Variants in CCNG2 observed in about 807,000 individuals in gnomAD.
CCNG2 encodes cyclin G2.
A neutral mutation model predicts 36.5 loss-of-function variants in CCNG2; 20 were observed. That is an observed-to-expected ratio of 0.55 (90% confidence interval 0.39 to 0.80). The LOEUF is 0.80. Ranked by LOEUF, CCNG2 falls within the 30% of genes least tolerant of loss-of-function variation. The pLI, the probability that CCNG2 is intolerant of heterozygous loss-of-function variation, is 0.00. For synonymous variants in CCNG2, 155 were observed against 140.1 expected (o/e 1.11, Z -0.75); for missense variants, 358 against 390.8 (o/e 0.92, Z 0.71).
At chr4:77,162,334 G>C (rs908856988) in intron 6 of CCNG2, among the ~76,000 whole-genome samples, 6 of 148,704 alleles carry the variant, frequency 4.0e-5, no homozygotes, top group African/African-American at 1.5e-4. Context: ...TTGTTATTGT[G>C]TCTTGGTGCC....
intron 6 of CCNG2, among the ~76,000 whole-genome samples, chr4:77,162,835 C>T (rs1731522236): frequency 6.6e-6 from 1 of 151,834 alleles, no homozygotes; most frequent in Non-Finnish European, 1.5e-5. Flanking sequence ...ATATAAAAGT[C>T]ATTTTAGGGT....
chr4:77,161,817 A>T, intron 6 of CCNG2, 70 bp downstream of exon 6: 1 of 887,654 alleles, frequency 1.1e-6, no homozygotes, highest in Non-Finnish European at 1.8e-6. Flanking sequence ...GGTGACTTAA[A>T]CATTAAGTAA....
At chr4:77,161,836 G>A (rs1731447272) in intron 6 of CCNG2, 89 bp downstream of exon 6, 1 of 758,094 alleles carries the variant, frequency 1.3e-6, no homozygotes. Context: ...AATACTTTAT[G>A]GGACTCTTAA....
intron 2 of CCNG2, among the ~76,000 whole-genome samples, chr4:77,159,014 A>G (rs1044219817): frequency 1.3e-5 from 2 of 152,238 alleles, no homozygotes; most frequent in African/African-American, 4.8e-5. Context: ...TTTATAGTAG[A>G]ATCTTAAATG....
rs750105685 is a variant in CCNG2, at chr4:77,165,975, A to T, written c.*51A>T. On this transcript the variant is annotated 3_prime_UTR_variant, in exon 8 of 8. Transcript: ENST00000316355. ...ATATTTACAGGTTTCAAAGCAATAA[A>T]TGGGGGAATAGGTAGTTTCCTGGTT... The T allele has an allele frequency of 9.8e-6, 15 of 1,538,018 alleles. No homozygotes were observed. Among genetic ancestry groups the T allele is most frequent in the Non-Finnish European group, 1.3e-5 (15 of 1,140,426 alleles).
chr4:77,167,626 A>G lies in CCNG2; in HGVS notation c.*1702A>G, dbSNP rs1731660878. The G allele has an allele frequency of 6.6e-6, 1 of 152,172 alleles. No individual in the cohort carries two copies. Among genetic ancestry groups the G allele is most frequent in the East Asian group, 1.9e-4 (1 of 5,188 alleles). 9.4% of individuals were successfully genotyped at this position (152,172 alleles called of 1,614,324 possible). A position where few individuals can be genotyped will look rare whatever the true frequency, so the allele number is the denominator to read the frequency against. On this transcript the variant is annotated 3_prime_UTR_variant, in exon 8 of 8. Transcript: ENST00000316355. ...CAGCTTCTGGCTCTTGTGGACCTCA[A>G]AAGTATCAGGTGGTTTTGCAAGTGG...
At chr4:77,164,251 C>T (rs749177845) in intron 6 of CCNG2, 23 bp from the exon 7 acceptor site, 3 of 1,585,078 alleles carry the variant, frequency 1.9e-6, no homozygotes, top group South Asian at 2.2e-5. Context: ...TTGCCGTAAC[C>T]TCTTAAAATA....
chr4:77,163,099 A>G (rs558565692), intron 6 of CCNG2, among the ~76,000 whole-genome samples: 1 of 152,244 alleles, frequency 6.6e-6, no homozygotes, highest in South Asian at 2.1e-4. Flanking sequence ...GCGTTTTGGA[A>G]TAAGAAGATA....
intron 5 of CCNG2, 40 bp downstream of exon 5, chr4:77,161,598 G>A: frequency 1.3e-6 from 2 of 1,572,808 alleles, no homozygotes; most frequent in East Asian, 2.2e-5. Context: ...CTCACAGTTT[G>A]TATTTTGAAT....
At chr4:77,160,015 G>A (rs1008269493) in intron 3 of CCNG2, among the ~76,000 whole-genome samples, 1 of 152,138 alleles carries the variant, frequency 6.6e-6, no homozygotes, top group African/African-American at 2.4e-5. Context: ...TGCTGGGTCA[G>A]TTCTCAGGGC....
rs753514383 is a variant in CCNG2, at chr4:77,164,261, A to T, written c.706-13A>T. 3 of 1,585,078 alleles carry T rather than the reference A, an allele frequency of 1.9e-6. No individual in the cohort carries two copies. Among genetic ancestry groups the T allele is most frequent in the Admixed American group, 1.7e-5 (1 of 59,432 alleles). On this transcript the variant is annotated splice_polypyrimidine_tract_variant and intron_variant, in intron 6 of 7. Transcript: ENST00000316355. ...AGACATTGCCGTAACCTCTTAAAAT[A>T]TTTTTTTTTCAGATTAATGACACTG...
intron 2 of CCNG2, 151 bp downstream of exon 2, chr4:77,158,821 A>G (rs1731345971): frequency 5.2e-6 from 4 of 766,030 alleles, no homozygotes; most frequent in Admixed American, 5.7e-5. Context: ...TTACAGGTTA[A>G]TGCTTTTGTT....
In CCNG2 at chr4:77,167,900, T is replaced by G. The variant is rs1271359159; in HGVS notation, c.*1976T>G. On this transcript the variant is annotated 3_prime_UTR_variant, in exon 8 of 8. Coordinates refer to ENST00000316355, the MANE Select transcript of CCNG2 (RefSeq NM_004354.3). ...ATATATTCTGCTTTCAGATTTTGAT[T>G]TGTTGAGATGTAAAAGTTGTTTGGG... The G allele has an allele frequency of 6.6e-6, 1 of 152,226 alleles. No homozygotes were observed. The highest frequency in any genetic ancestry group is 2.4e-5 in the African/African-American group (1 of 41,448). 9.4% of individuals were successfully genotyped at this position (152,226 alleles called of 1,614,324 possible).
chr4:77,164,016 T>A (rs1403892897), intron 6 of CCNG2, among the ~76,000 whole-genome samples: 1 of 152,218 alleles, frequency 6.6e-6, no homozygotes, highest in African/African-American at 2.4e-5. Context: ...GTTTTATACT[T>A]ACGGTGCTCT....
chr4:77,162,766 CTT>C (rs1444130065), intron 6 of CCNG2, among the ~76,000 whole-genome samples: 1 of 151,982 alleles, frequency 6.6e-6, no homozygotes, highest in Non-Finnish European at 1.5e-5. Flanking sequence ...GCAAAAGAAT[CTT>C]TGACAGTGAA....
chr4:77,163,733 C>T (rs1005089265), intron 6 of CCNG2, among the ~76,000 whole-genome samples: 8 of 152,148 alleles, frequency 5.3e-5, no homozygotes, highest in African/African-American at 1.7e-4. Flanking sequence ...CCAGTGGTGG[C>T]GGAACTATGT....
At position 77,165,918 on chromosome 4, in the gene CCNG2, A is replaced by G; in HGVS notation, c.1029A>G (p.Pro343=). Residue 343 remains proline, a synonymous_variant, in exon 8 of 8, where the codon CCA becomes CCG. Transcript: ENST00000316355. ...NFKVAQTLCF[P]S ...AAGTGGCACAAACACTGTGCTTTCC[A>G]TCTTAGAAATCTGATTGTTCTGTCA... is the stretch of plus-strand genomic sequence containing the variant. The G allele has an allele frequency of 1.3e-6, 2 of 1,595,062 alleles. No homozygotes were observed. Among genetic ancestry groups the G allele is most frequent in the Non-Finnish European group, 1.7e-6 (2 of 1,174,626 alleles).
intron 6 of CCNG2, 125 bp from the exon 7 acceptor site, chr4:77,164,149 G>T: frequency 3.1e-6 from 2 of 640,858 alleles, no homozygotes; most frequent in Non-Finnish European, 5.4e-6. Flanking sequence ...AATACCAGGG[G>T]TGGAAGCGGG....
At position 77,157,305 on chromosome 4, in the gene CCNG2, A is replaced by G. The variant is rs1342479759; in HGVS notation, c.-202A>G. The stretch of plus-strand genomic sequence containing the variant: ...CGCGGCCGGCGTTGCGCCGCGGCGG[A>G]GGGTGGGCGCGCGGGGAGCGGGATG... On this transcript the variant is annotated 5_prime_UTR_variant, in exon 1 of 8. Transcript: ENST00000316355. 1 of 150,982 alleles carries G rather than the reference A, an allele frequency of 6.6e-6. No individual in the cohort carries two copies. The highest frequency in any genetic ancestry group is 6.6e-5 in the Admixed American group (1 of 15,236). The allele number at this position is 150,982 out of a possible 1,614,324, so 9.4% of individuals were successfully genotyped here.
Sources: gnomAD v4.1 joint callset for allele counts (sites outside exome capture counted in the v4.1 genomes callset) on GRCh38, gnomAD v4.1.1 for gene constraint, MANE v1.5 for transcripts, NCBI Gene and HGNC (gene_info 2026-07-23, HGNC 2026-07-21) for gene names.